The following OR5L2 variants were observed in gnomAD, a reference collection of about 807,000 sequenced individuals.
OR5L2 encodes the protein olfactory receptor 5L2.
For synonymous variants in OR5L2, 175 were observed against 151.6 expected (o/e 1.15, Z -1.13); for missense variants, 425 against 365.6 (o/e 1.16, Z -1.32).
At position 55,828,138 on chromosome 11, in the gene OR5L2, C is replaced by A. The variant is rs1211126354; in HGVS notation, c.920C>A (p.Ser307Tyr). The part of the protein sequence containing the change: ...VNKALRKVMG[S>Y]KIHS ...AAAGCTCTCAGAAAAGTGATGGGCT[C>A]CAAAATTCACTCCTAGGGAAGATTT... Residue 307 changes from serine (S) to tyrosine (Y), a missense_variant, in exon 1 of 1, where the codon TCC becomes TAC. Ser to Tyr is a moderately radical substitution (Grantham distance 144). Transcript: ENST00000378397. 1.2e-6 allele frequency: 2 copies of A among 1,604,660 alleles called. No homozygotes were observed. The highest frequency in any genetic ancestry group is 1.7e-6 in the Non-Finnish European group (2 of 1,175,236).
Position 55,827,589 on chromosome 11 carries a change from T to C in OR5L2, c.371T>C (p.Val124Ala). 6.2e-7 allele frequency: 1 copy of C among 1,613,938 alleles called. No homozygotes were observed. The highest frequency in any genetic ancestry group is 1.7e-4 in the Middle Eastern group (1 of 6,058). ...LLAVMAYDRF[V>A]AICNPLLYMV... is the part of the protein sequence containing the mutation. The stretch of plus-strand genomic sequence containing the variant: ...GCCGTGATGGCCTATGACCGCTTTG[T>C]GGCCATCTGTAACCCCCTGCTGTAC... The change falls in exon 1 of 1, where the codon GTG (valine) becomes GCG (alanine). Residue 124 changes from valine to alanine, a missense_variant. Val to Ala is a moderately conservative substitution (Grantham distance 64). Coordinates refer to ENST00000378397, the MANE Select transcript of OR5L2 (RefSeq NM_001004739.1).
rs61743566 is a variant in OR5L2 at position 55,828,117 on chromosome 11, C to T, written c.899C>T (p.Ala300Val). 1.6e-3 allele frequency: 2,632 copies of T among 1,611,590 alleles called. 68 individuals carry two copies. In the African/African-American group the frequency reaches 0.031, roughly 19 times the overall value. ...CTGAGAAATAAGGATGTGAACAAAG[C>T]TCTCAGAAAAGTGATGGGCTCCAAA... ...YSLRNKDVNK[A>V]LRKVMGSKIH... The change falls in exon 1 of 1, where the codon GCT becomes GTT. Residue 300 changes from alanine to valine, a missense_variant. Physicochemically the swap from Ala to Val is moderately conservative, Grantham distance 64. Coordinates refer to ENST00000378397, the MANE Select transcript of OR5L2 (RefSeq NM_001004739.1).
chr11:55,827,540 G>A lies in OR5L2; in HGVS notation c.322G>A (p.Gly108Arg), dbSNP rs1159487328. ...GCAATTCTACTTGTTTTGCACATGT[G>A]GAGTCACTGAGGTCTTCCTGCTGGC... ...MVQFYLFCTC[G>R]VTEVFLLAVM... Residue 108 changes from glycine to arginine, a missense_variant, in exon 1 of 1, where the codon GGA becomes AGA. Gly to Arg is a moderately radical substitution (Grantham distance 125). Transcript: ENST00000378397. 1.2e-6 allele frequency: 2 copies of A among 1,607,914 alleles called. No homozygotes were observed. The highest frequency in any genetic ancestry group is 1.7e-6 in the Non-Finnish European group (2 of 1,174,958).
rs755467746 is a variant in OR5L2 at position 55,827,602 on chromosome 11, C to A, written c.384C>A (p.Asn128Lys). 3 of 1,613,912 alleles carry A rather than the reference C, an allele frequency of 1.9e-6. No homozygotes were observed. Among genetic ancestry groups the A allele is most frequent in the South Asian group, 2.2e-5 (2 of 91,078 alleles). ...MAYDRFVAIC[N>K]PLLYMVTMSQ... ...ATGACCGCTTTGTGGCCATCTGTAA[C>A]CCCCTGCTGTACATGGTGACCATGT... Residue 128 changes from asparagine to lysine, a missense_variant, in exon 1 of 1, where the codon AAC becomes AAA. Transcript: ENST00000378397.
chr11:55,827,793 T>A lies in OR5L2; in HGVS notation c.575T>A (p.Val192Asp), dbSNP rs1286952904. 6.2e-7 allele frequency: 1 copy of A among 1,613,948 alleles called. No homozygotes were observed. Among genetic ancestry groups the A allele is most frequent in the East Asian group, 2.2e-5 (1 of 44,874 alleles). ...PPLLSLACSD[V>D]TVNETLLFLV... ...CTCCTAAGTCTTGCTTGCTCTGATG[T>A]CACTGTGAATGAGACACTGCTGTTC... Residue 192 changes from valine (V) to aspartate (D), a missense_variant, in exon 1 of 1, where the codon GTC becomes GAC. Physicochemically the swap from Val to Asp is radical, Grantham distance 152. Coordinates refer to ENST00000378397, the MANE Select transcript of OR5L2 (RefSeq NM_001004739.1).
rs376554037 is a variant in OR5L2 at position 55,827,378 on chromosome 11, C to T, written c.160C>T (p.Arg54Trp). The part of the protein sequence containing the change: ...GMTALIQVSS[R>W]LHTPVYFFLS... ...GACTGCACTGATTCAGGTCAGCTCT[C>T]GGCTCCACACCCCCGTGTACTTTTT... Residue 54 changes from arginine (R) to tryptophan (W), a missense_variant, in exon 1 of 1, where the codon CGG (arginine) becomes TGG (tryptophan). Arg to Trp is a moderately radical substitution (Grantham distance 101, BLOSUM62 -3). Coordinates refer to ENST00000378397, the MANE Select transcript of OR5L2 (RefSeq NM_001004739.1). 3.0e-5 allele frequency: 49 copies of T among 1,613,844 alleles called. No individual in the cohort carries two copies. The highest frequency in any genetic ancestry group is 2.5e-4 in the East Asian group (11 of 44,878).
chr11:55,827,680 G>C lies in OR5L2; in HGVS notation c.462G>C (p.Val154=), dbSNP rs144734181. The change falls in exon 1 of 1, where the codon GTG becomes GTC. Residue 154 remains valine (V), a synonymous_variant. Coordinates refer to ENST00000378397, the MANE Select transcript of OR5L2 (RefSeq NM_001004739.1). The part of the protein sequence containing the change: ...LTSCCYFCGT[V]CSLIHSSLAL... ...CTTGCTGCTACTTCTGTGGGACGGT[G>C]TGTTCTCTGATTCACTCGTCCTTAG... 166 of 1,613,800 alleles carry C rather than the reference G, an allele frequency of 1.0e-4. 3 individuals are homozygous for C. In the African/African-American group the frequency reaches 1.9e-3, roughly 18 times the overall value.
Position 55,827,620 on chromosome 11 carries a change from G to T in OR5L2, c.402G>T (p.Val134=). The change falls in exon 1 of 1, where the codon GTG becomes GTT. Residue 134 remains valine, a synonymous_variant. Transcript: ENST00000378397. The stretch of plus-strand genomic sequence containing the variant: ...TCTGTAACCCCCTGCTGTACATGGT[G>T]ACCATGTCTCAGAAGCTGCGTGTGG... ...VAICNPLLYM[V]TMSQKLRVEL... 6.2e-7 allele frequency: 1 copy of T among 1,613,882 alleles called. No individual in the cohort carries two copies. Among genetic ancestry groups the T allele is most frequent in the Non-Finnish European group, 8.5e-7 (1 of 1,179,988 alleles).
chr11:55,827,979 C>T lies in OR5L2; in HGVS notation c.761C>T (p.Thr254Ile), dbSNP rs143953099. ...HLTAITVSHG[T>I]ILYIYCRPSS... is the part of the protein sequence containing the mutation. ...ACAGCCATCACTGTCTCCCATGGAA[C>T]AATCCTTTACATTTATTGCAGGCCG... The change falls in exon 1 of 1, where the codon ACA (threonine) becomes ATA (isoleucine). Residue 254 changes from threonine to isoleucine, a missense_variant. Thr to Ile is a moderately conservative substitution (Grantham distance 89). Transcript: ENST00000378397. 1,204 of 1,613,870 alleles carry T rather than the reference C, an allele frequency of 7.5e-4. 2 individuals are homozygous for T. Among genetic ancestry groups the T allele is most frequent in the Non-Finnish European group, 9.4e-4 (1,105 of 1,179,984 alleles).
chr11:55,827,844 T>G lies in OR5L2; in HGVS notation c.626T>G (p.Val209Gly), dbSNP rs774281152. The G allele has an allele frequency of 3.1e-6, 5 of 1,613,758 alleles. No homozygotes were observed. Among genetic ancestry groups the G allele is most frequent in the Non-Finnish European group, 2.5e-6 (3 of 1,179,990 alleles). Residue 209 changes from valine (V) to glycine (G), a missense_variant, in exon 1 of 1, where the codon GTT becomes GGT. Transcript: ENST00000378397. ...CTGGTGGCCACTTTGAATGAGAGTG[T>G]TACCATCATGATCATCCTCACCTCC... ...LFLVATLNES[V>G]TIMIILTSYL...
In OR5L2 at chr11:55,827,554, C is replaced by T. The variant is rs1853905350; in HGVS notation, c.336C>T (p.Val112=). 2 of 1,613,024 alleles carry T rather than the reference C, an allele frequency of 1.2e-6. No homozygotes were observed. Among genetic ancestry groups the T allele is most frequent in the African/African-American group, 1.3e-5 (1 of 74,666 alleles). ...YLFCTCGVTE[V]FLLAVMAYDR... ...TTTGCACATGTGGAGTCACTGAGGT[C>T]TTCCTGCTGGCCGTGATGGCCTATG... Residue 112 remains valine (V), a synonymous_variant, in exon 1 of 1, where the codon GTC becomes GTT. Transcript: ENST00000378397.
At position 55,827,346 on chromosome 11, in the gene OR5L2, T is replaced by G. The variant is rs1277890700; in HGVS notation, c.128T>G (p.Leu43Arg). 5 of 1,613,864 alleles carry G rather than the reference T, an allele frequency of 3.1e-6. No homozygotes were observed. The African/African-American group carries it at 4.0e-5, about 13-fold the overall frequency. ...LIYGVTLLAN[L>R]GMTALIQVSS... ...TATGGAGTCACGTTGTTAGCCAATC[T>G]GGGCATGACTGCACTGATTCAGGTC... The change falls in exon 1 of 1, where the codon CTG (leucine) becomes CGG (arginine). Residue 43 changes from leucine to arginine, a missense_variant. Transcript: ENST00000378397.
chr11:55,827,827 C>A lies in OR5L2; in HGVS notation c.609C>A (p.Ala203=). 6.2e-7 allele frequency: 1 copy of A among 1,613,918 alleles called. No homozygotes were observed. The highest frequency in any genetic ancestry group is 1.1e-5 in the South Asian group (1 of 91,074). The change falls in exon 1 of 1, where the codon GCC becomes GCA. Residue 203 remains alanine, a synonymous_variant. Coordinates refer to ENST00000378397, the MANE Select transcript of OR5L2 (RefSeq NM_001004739.1). Reference sequence around the variant, plus strand: ...ATGAGACACTGCTGTTCCTGGTGGCCACTTTGAATGAGAGTGTTACCATCA... The same window carrying A: ...ATGAGACACTGCTGTTCCTGGTGGCAACTTTGAATGAGAGTGTTACCATCA... ...TVNETLLFLV[A]TLNESVTIMI...
Position 55,828,098 on chromosome 11 carries a change from A to C in OR5L2, c.880A>C (p.Asn294His). 6.2e-7 allele frequency: 1 copy of C among 1,613,644 alleles called. No homozygotes were observed. The highest frequency in any genetic ancestry group is 8.5e-7 in the Non-Finnish European group (1 of 1,179,798). Residue 294 changes from asparagine (N) to histidine (H), a missense_variant, in exon 1 of 1, where the codon AAT becomes CAT. Asn to His is a moderately conservative substitution (Grantham distance 68). Coordinates refer to ENST00000378397, the MANE Select transcript of OR5L2 (RefSeq NM_001004739.1). The part of the protein sequence containing the change: ...MLNPLIYSLR[N>H]KDVNKALRKV... ...GAACCCCCTGATCTACAGCCTGAGA[A>C]ATAAGGATGTGAACAAAGCTCTCAG...
chr11:55,827,429 T>TGTCC lies in OR5L2; in HGVS notation c.211_212insGTCC (p.Phe71CysfsTer15), dbSNP rs1853902289. On this transcript the variant is annotated frameshift_variant, in exon 1 of 1. Transcript: ENST00000378397. LOFTEE classifies it low-confidence loss of function (END_TRUNC). ...CCTCAGCCACTTGTCCTTTGTAGAT[T>TGTCC]TCTGCTACTCCTCAATAATTGTGCC... 6.2e-7 allele frequency: 1 copy of TGTCC among 1,613,926 alleles called. No homozygotes were observed. The highest frequency in any genetic ancestry group is 1.3e-5 in the African/African-American group (1 of 74,786).
rs777348329 is a variant in OR5L2, at chr11:55,827,749, C to A, written c.531C>A (p.Phe177Leu). ...LFYRSNVINH[F>L]FCDLPPLLSL... ...ATAGATCTAATGTGATTAACCACTTCTTCTGTGATCTACCCCCTCTCCTAA... is the reference window on the plus strand; with the variant it reads ...ATAGATCTAATGTGATTAACCACTTATTCTGTGATCTACCCCCTCTCCTAA... The change falls in exon 1 of 1, where the codon TTC becomes TTA. Residue 177 changes from phenylalanine to leucine, a missense_variant. Physicochemically the swap from Phe to Leu is conservative, Grantham distance 22. Coordinates refer to ENST00000378397, the MANE Select transcript of OR5L2 (RefSeq NM_001004739.1). 5 of 1,613,788 alleles carry A rather than the reference C, an allele frequency of 3.1e-6. No individual in the cohort carries two copies. The South Asian group carries it at 4.4e-5, about 14-fold the overall frequency.
Position 55,827,676 on chromosome 11 carries a change from C to T in OR5L2, c.458C>T (p.Thr153Met), listed in dbSNP as rs144590289. ...ELTSCCYFCG[T>M]VCSLIHSSLA... ...ACCTCTTGCTGCTACTTCTGTGGGA[C>T]GGTGTGTTCTCTGATTCACTCGTCC... Residue 153 changes from threonine to methionine, a missense_variant, in exon 1 of 1, where the codon ACG becomes ATG. Physicochemically the swap from Thr to Met is moderately conservative, Grantham distance 81 (BLOSUM62 -1). Coordinates refer to ENST00000378397, the MANE Select transcript of OR5L2 (RefSeq NM_001004739.1). The T allele has an allele frequency of 1.2e-4, 190 of 1,613,658 alleles. No homozygotes were observed. The highest frequency in any genetic ancestry group is 3.3e-4 in the Middle Eastern group (2 of 6,082).
chr11:55,827,976 G>A lies in OR5L2; in HGVS notation c.758G>A (p.Gly253Glu), dbSNP rs1409482641. 1 of 1,613,752 alleles carries A rather than the reference G, an allele frequency of 6.2e-7. No individual in the cohort carries two copies. Among genetic ancestry groups the A allele is most frequent in the East Asian group, 2.2e-5 (1 of 44,854 alleles). The part of the protein sequence containing the change: ...SHLTAITVSH[G>E]TILYIYCRPS... The stretch of plus-strand genomic sequence containing the variant: ...CTCACAGCCATCACTGTCTCCCATG[G>A]AACAATCCTTTACATTTATTGCAGG... Residue 253 changes from glycine (G) to glutamate (E), a missense_variant, in exon 1 of 1, where the codon GGA (glycine) becomes GAA (glutamate). By Grantham distance (98) the Gly-to-Glu change is moderately conservative. Coordinates refer to ENST00000378397, the MANE Select transcript of OR5L2 (RefSeq NM_001004739.1).
chr11:55,827,835 ATGAG>A lies in OR5L2; in HGVS notation c.618_621del (p.Asn206LysfsTer6), dbSNP rs748585262. 7 of 1,613,876 alleles carry A rather than the reference ATGAG, an allele frequency of 4.3e-6. No homozygotes were observed. The East Asian group carries it at 1.3e-4, about 31-fold the overall frequency. Reference sequence around the variant, plus strand: ...CTGCTGTTCCTGGTGGCCACTTTGAATGAGAGTGTTACCATCATGATCATCCTCA... The same window carrying A: ...CTGCTGTTCCTGGTGGCCACTTTGAAAGTGTTACCATCATGATCATCCTCA... On this transcript the variant is annotated frameshift_variant, in exon 1 of 1. Coordinates refer to ENST00000378397, the MANE Select transcript of OR5L2 (RefSeq NM_001004739.1). LOFTEE classifies it low-confidence loss of function (END_TRUNC).
Sources: allele counts gnomAD v4.1 joint callset, GRCh38; gene constraint gnomAD v4.1.1; transcripts MANE v1.5; gene names NCBI Gene and HGNC (gene_info 2026-07-23, HGNC 2026-07-21).